Variants in FAN1 observed in about 807,000 individuals in gnomAD.
FAN1 encodes the protein FANCD2 and FANCI associated nuclease 1, also known as fanconi-associated nuclease 1.
Under a neutral mutation model 104.9 loss-of-function variants are expected in FAN1, and 91 were observed. The ratio of observed to expected loss-of-function variants is 0.87; its 90% confidence interval spans 0.73 to 1.03. The LOEUF (loss-of-function observed/expected upper bound fraction) is 1.03. Among genes scored for constraint, FAN1 ranks in the 50% least tolerant of loss-of-function variants. The pLI, the probability that FAN1 is intolerant of heterozygous loss-of-function variation, is 0.00. For synonymous variants in FAN1, 478 were observed against 457.6 expected (o/e 1.04, Z -0.57); for missense variants, 1,263 against 1,239.9 (o/e 1.02, Z -0.28).
chr15:30,915,376 C>T (rs1595842586), intron 5 of FAN1, among the ~76,000 whole-genome samples: 1 of 152,168 alleles, frequency 6.6e-6, no homozygotes, highest in Admixed American at 6.5e-5. Context: ...TTCTGTTGTT[C>T]TGTAGCAGTG....
chr15:30,940,248 G>A (rs549558595), intron 14 of FAN1: 11 of 984,540 alleles, frequency 1.1e-5, no homozygotes, highest in South Asian at 4.7e-5. Flanking sequence ...ACAGTGGTAG[G>A]TAGGCTCTTG....
rs1019469429 is a variant in FAN1, at chr15:30,942,180, G to T, written c.*618G>T. ...ACTATGAAAAATTAATGGAATTTCA[G>T]CCTCAAAGAACATTTTCCTCCCTTC... On this transcript the variant is annotated 3_prime_UTR_variant, in exon 15 of 15. Transcript: ENST00000362065. 8.3e-6 allele frequency: 11 copies of T among 1,328,328 alleles called. No individual in the cohort carries two copies. In the African/African-American group the frequency reaches 1.5e-4, roughly 18 times the overall value. 82.3% of individuals were successfully genotyped at this position (1,328,328 alleles called of 1,614,324 possible).
At chr15:30,929,516 G>A in intron 12 of FAN1, 119 bp downstream of exon 12, 1 of 473,244 alleles carries the variant, frequency 2.1e-6, no homozygotes, top group East Asian at 4.2e-5. Context: ...GTATGTGTGT[G>A]CATATATATG....
At position 30,940,592 on chromosome 15, in the gene FAN1, C is replaced by T. The variant is rs147062183; in HGVS notation, c.*4-974C>T. 563 of 985,278 alleles carry T rather than the reference C, an allele frequency of 5.7e-4. No homozygotes were observed. The African/African-American group carries it at 7.5e-3, about 13-fold the overall frequency. The allele number at this position is 985,278 out of a possible 1,614,324, so 61.0% of individuals were successfully genotyped here. A position where few individuals can be genotyped will look rare whatever the true frequency, so the allele number is the denominator to read the frequency against. ...AGCAAGCCTTGTTTGTTTTTGAGGG[C>T]GAGTTTTGGCATAGATGGCACTCTC... On this transcript the variant is annotated intron_variant, in intron 14 of 14. Transcript: ENST00000362065.
At chr15:30,912,493 G>A (rs2140911862) in intron 4 of FAN1, among the ~76,000 whole-genome samples, 2 of 152,350 alleles carry the variant, frequency 1.3e-5, no homozygotes, top group South Asian at 4.1e-4. Context: ...CGTGGAGGTG[G>A]ATGAAATGGG....
In FAN1 at chr15:30,942,212, G is replaced by A. The variant is rs1456926303; in HGVS notation, c.*650G>A. 2 of 1,048,384 alleles carry A rather than the reference G, an allele frequency of 1.9e-6. No homozygotes were observed. The highest frequency in any genetic ancestry group is 1.6e-5 in the African/African-American group (1 of 62,666). The allele number at this position is 1,048,384 out of a possible 1,614,324, so 64.9% of individuals were successfully genotyped here. A position where few individuals can be genotyped will look rare whatever the true frequency, so the allele number is the denominator to read the frequency against. On this transcript the variant is annotated 3_prime_UTR_variant, in exon 15 of 15. Transcript: ENST00000362065. The stretch of plus-strand genomic sequence containing the variant: ...AGAACATTTTCCTCCCTTCCTTTGT[G>A]TCCTTATTCTAATCCTCCTCCCCTG...
chr15:30,931,913 G>A (rs1164726462), intron 13 of FAN1, among the ~76,000 whole-genome samples: 1 of 141,914 alleles, frequency 7.0e-6, no homozygotes, highest in Non-Finnish European at 1.5e-5. Context: ...CAAATTTTAA[G>A]TTTCCAAGAA....
chr15:30,936,583 T>C (rs1344026316), intron 13 of FAN1, among the ~76,000 whole-genome samples: 1 of 152,266 alleles, frequency 6.6e-6, no homozygotes, highest in African/African-American at 2.4e-5. Flanking sequence ...ATAAATTTCT[T>C]AGCTACATAC....
At chr15:30,933,765 G>T (rs113937140) in intron 13 of FAN1, among the ~76,000 whole-genome samples, 422 of 144,178 alleles carry the variant, frequency 2.9e-3, no homozygotes, top group Non-Finnish European at 4.9e-3. Context: ...TTTTTTTTTT[G>T]TTTTTGTTTT....
At chr15:30,938,835 G>A (rs1342764184) in intron 14 of FAN1, 2 of 889,824 alleles carry the variant, frequency 2.2e-6, no homozygotes, top group Admixed American at 1.2e-4. Context: ...TAGAGGGCAA[G>A]CAGAAACATC....
rs757458714 is a variant in FAN1 at position 30,941,819 on chromosome 15, AAGT to A, written c.*260_*262del. ...GATCTGGGCCTCGGGAACCCAGCGG[AAGT>A]AGCACAGTTTCCACAGTTTTATGTG... On this transcript the variant is annotated 3_prime_UTR_variant, in exon 15 of 15. Coordinates refer to ENST00000362065, the MANE Select transcript of FAN1 (RefSeq NM_014967.5). 2.5e-6 allele frequency: 4 copies of A among 1,613,928 alleles called. No homozygotes were observed. In the Admixed American group the frequency reaches 6.7e-5, roughly 27 times the overall value.
chr15:30,941,451 G>A (rs749028106), intron 14 of FAN1, 115 bp from the exon 15 acceptor site: 1 of 1,583,866 alleles, frequency 6.3e-7, no homozygotes. Context: ...CCCTCAAAAT[G>A]TTCAGAAAAC....
Position 30,928,574 on chromosome 15 carries a change from C to A in FAN1, c.2510C>A (p.Thr837Asn). ...TTAGGGATTCATGGCGAAGGGTCCA[C>A]CTTCAGCACCCTGTATGGCCTCCTC... ...FDQGIHGEGS[T>N]FSTLYGLLLW... is the part of the protein sequence containing the mutation. The change falls in exon 11 of 15, where the codon ACC (threonine) becomes AAC (asparagine). Residue 837 changes from threonine to asparagine, a missense_variant. This residue lies in a region of FAN1 where 581 missense variants were observed against 668.8 expected (regional missense o/e 0.87). Coordinates refer to ENST00000362065, the MANE Select transcript of FAN1 (RefSeq NM_014967.5). 1.9e-6 allele frequency: 3 copies of A among 1,610,312 alleles called. No individual in the cohort carries two copies. The highest frequency in any genetic ancestry group is 2.5e-6 in the Non-Finnish European group (3 of 1,179,124).
rs757901655 is a variant in FAN1 at position 30,905,215 on chromosome 15, C to A, written c.552C>A (p.Ser184=). The part of the protein sequence containing the change: ...EEFAGSSPQS[S]KSTVVKSLID... ...TTGCCGGTTCTAGTCCACAGAGTTC[C>A]AAATCCACAGTTGTTAAGAGCCTGA... The change falls in exon 2 of 15, where the codon TCC becomes TCA. Residue 184 remains serine, a synonymous_variant. Coordinates refer to ENST00000362065, the MANE Select transcript of FAN1 (RefSeq NM_014967.5). 6.2e-7 allele frequency: 1 copy of A among 1,613,798 alleles called. No individual in the cohort carries two copies. Among genetic ancestry groups the A allele is most frequent in the African/African-American group, 1.3e-5 (1 of 75,016 alleles).
intron 12 of FAN1, among the ~76,000 whole-genome samples, chr15:30,929,732 T>TATAA (rs1345021370): frequency 7.2e-5 from 3 of 41,712 alleles, no homozygotes; most frequent in Non-Finnish European, 1.2e-4. Flanking sequence ...ATAAAATATA[T>TATAA]AATATATTAT....
intron 4 of FAN1, among the ~76,000 whole-genome samples, chr15:30,913,409 A>G (rs1035090543): frequency 1.3e-5 from 2 of 152,238 alleles, no homozygotes; most frequent in South Asian, 2.1e-4. Context: ...ACTTTGGCAT[A>G]TACATTTGCA....
chr15:30,915,746 G>A (rs1445439880), intron 5 of FAN1, among the ~76,000 whole-genome samples: 3 of 151,998 alleles, frequency 2.0e-5, no homozygotes, highest in East Asian at 3.9e-4. Context: ...AATAATAGAT[G>A]CCAAACAAAT....
In FAN1 at chr15:30,937,114, T is replaced by C. The variant is rs1003359680; in HGVS notation, c.2917-5T>C. 6.2e-7 allele frequency: 1 copy of C among 1,604,608 alleles called. No individual in the cohort carries two copies. Among genetic ancestry groups the C allele is most frequent in the Non-Finnish European group, 8.5e-7 (1 of 1,177,518 alleles). ...AATAACAACTTTTAAAAATTTCTTT[T>C]CCAGCTGGTGGAAGTTAAAGGCCCC... On this transcript the variant is annotated splice_region_variant and splice_polypyrimidine_tract_variant and intron_variant, in intron 13 of 14. Transcript: ENST00000362065.
chr15:30,942,840 G>GTGTT lies in FAN1; in HGVS notation c.*1281_*1284dup, dbSNP rs1214353724. ...TAACGCTCTCTGTTCTGAAAAAGAG[G>GTGTT]TGTTTGGTTACGTGTGAGCCAACAT... is the stretch of plus-strand genomic sequence containing the variant. On this transcript the variant is annotated 3_prime_UTR_variant, in exon 15 of 15. Coordinates refer to ENST00000362065, the MANE Select transcript of FAN1 (RefSeq NM_014967.5). The GTGTT allele has an allele frequency of 6.7e-7, 1 of 1,484,112 alleles. No individual in the cohort carries two copies. Among genetic ancestry groups the GTGTT allele is most frequent in the Non-Finnish European group, 9.1e-7 (1 of 1,100,214 alleles). The allele number at this position is 1,484,112 out of a possible 1,614,324, so 91.9% of individuals were successfully genotyped here. A position where few individuals can be genotyped will look rare whatever the true frequency, so the allele number is the denominator to read the frequency against.
Sources: gnomAD v4.1 joint callset for allele counts (sites outside exome capture counted in the v4.1 genomes callset) on GRCh38, gnomAD v4.1.1 for gene constraint, gnomAD v4.1.1 regional missense constraint, MANE v1.5 for transcripts, NCBI Gene and HGNC (gene_info 2026-07-23, HGNC 2026-07-21) for gene names.